The following SPIDR variants were observed in gnomAD, a reference collection of about 807,000 sequenced individuals.
The protein encoded by SPIDR is DNA repair-scaffolding protein.
In SPIDR, 93 loss-of-function variants were observed where a neutral mutation model predicts 104.6. That is an observed-to-expected ratio of 0.89 (90% CI 0.75 to 1.06). SPIDR has a LOEUF of 1.06. SPIDR is among the 50% of genes least tolerant of loss of function. SPIDR has a pLI of 0.00. For synonymous variants in SPIDR, 431 were observed against 416.9 expected (o/e 1.03, Z -0.41); for missense variants, 1,154 against 1,111.2 (o/e 1.04, Z -0.55).
At chr8:47,496,175 C>A (rs2079412513) in intron 8 of SPIDR, among the ~76,000 whole-genome samples, 1 of 151,948 alleles carries the variant, frequency 6.6e-6, no homozygotes, top group Non-Finnish European at 1.5e-5. Context: ...ATCAGGATGC[C>A]TTTATTTATT....
At chr8:47,444,499 G>C (rs79794978) in intron 8 of SPIDR, among the ~76,000 whole-genome samples, 1 of 152,222 alleles carries the variant, frequency 6.6e-6, no homozygotes, top group East Asian at 1.9e-4. Context: ...CCCTTCCATC[G>C]GTCCATTCAT....
At chr8:47,368,623 CAT>C (rs782319962) in intron 5 of SPIDR, among the ~76,000 whole-genome samples, 1 of 152,054 alleles carries the variant, frequency 6.6e-6, no homozygotes, top group African/African-American at 2.4e-5. Flanking sequence ...AAGTGGTTAA[CAT>C]ATGACTAACC....
At chr8:47,632,696 G>A (rs2067259084) in intron 10 of SPIDR, among the ~76,000 whole-genome samples, 1 of 152,168 alleles carries the variant, frequency 6.6e-6, no homozygotes, top group South Asian at 2.1e-4. Context: ...TTGAGAAACT[G>A]CAAGATCCCA....
chr8:47,499,131 C>A (rs981254218), intron 8 of SPIDR, among the ~76,000 whole-genome samples: 1 of 152,128 alleles, frequency 6.6e-6, no homozygotes, highest in African/African-American at 2.4e-5. Context: ...AGGAGGAACT[C>A]AATAAATGCC....
intron 6 of SPIDR, among the ~76,000 whole-genome samples, chr8:47,398,391 CAAG>C (rs573803953): frequency 1.1e-3 from 171 of 151,344 alleles, no homozygotes; most frequent in Admixed American, 1.9e-3. Context: ...AATAAGGAGC[CAAG>C]AAGTAAAATA....
intron 8 of SPIDR, among the ~76,000 whole-genome samples, chr8:47,499,909 T>C (rs1419616876): frequency 6.6e-6 from 1 of 152,170 alleles, no homozygotes; most frequent in African/African-American, 2.4e-5. Context: ...TTTTTGTCCT[T>C]GCGATAGTTT....
intron 8 of SPIDR, among the ~76,000 whole-genome samples, chr8:47,470,928 G>A (rs1319153872): frequency 3.9e-5 from 6 of 152,058 alleles, no homozygotes; most frequent in African/African-American, 1.4e-4. Flanking sequence ...TAGAGACGGG[G>A]TTTCACCGTG....
At chr8:47,407,829 C>A in intron 6 of SPIDR, 32 bp from the exon 7 acceptor site, 3 of 1,385,224 alleles carry the variant, frequency 2.2e-6, no homozygotes, top group South Asian at 1.3e-5. Flanking sequence ...TTCCTTTTAA[C>A]TAAACTTAAT....
chr8:47,725,506 C>T (rs756926162), intron 16 of SPIDR, among the ~76,000 whole-genome samples: 10 of 152,218 alleles, frequency 6.6e-5, no homozygotes, highest in Non-Finnish European at 1.3e-4. Flanking sequence ...ATTCTCCTGC[C>T]TCAGCCTCCC....
chr8:47,734,771 A>G (rs1161749600), intron 19 of SPIDR, among the ~76,000 whole-genome samples: 1 of 152,166 alleles, frequency 6.6e-6, no homozygotes, highest in African/African-American at 2.4e-5. Flanking sequence ...TGGAGACGAA[A>G]CTCACCTGGG....
At chr8:47,610,867 A>G (rs543250530) in intron 10 of SPIDR, among the ~76,000 whole-genome samples, 4 of 152,396 alleles carry the variant, frequency 2.6e-5, no homozygotes, top group Admixed American at 6.5e-5. Flanking sequence ...GCTTGATTAT[A>G]TAGTGAGACT....
chr8:47,502,704 C>A (rs1038762057), intron 8 of SPIDR, among the ~76,000 whole-genome samples: 1 of 152,060 alleles, frequency 6.6e-6, no homozygotes, highest in African/African-American at 2.4e-5. Context: ...GCTCTTGTTT[C>A]TCTAGTTCTT....
Position 47,655,737 on chromosome 8 carries a change from G to C in SPIDR, c.1545-18064G>C, listed in dbSNP as rs572791018. On this transcript the variant is annotated intron_variant, in intron 10 of 19. Transcript: ENST00000297423. ...AGAAGCTCTTTAGTTTAATTAGATC[G>C]CATTTGTCAATTTTGGCTTTTGTTG... Among the ~76,000 whole-genome samples the C allele has an allele frequency of 4.8e-3, 732 of 151,954 alleles. 5 individuals are homozygous for C. Among genetic ancestry groups the C allele is most frequent in the African/African-American group, 0.016 (668 of 41,450 alleles).
Position 47,735,679 on chromosome 8 carries a change from T to G in SPIDR, c.*229T>G. 1 of 939,132 alleles carries G rather than the reference T, an allele frequency of 1.1e-6. No individual in the cohort carries two copies. Among genetic ancestry groups the G allele is most frequent in the South Asian group, 1.8e-5 (1 of 54,682 alleles). 58.2% of individuals were successfully genotyped at this position (939,132 alleles called of 1,614,324 possible). A position where few individuals can be genotyped will look rare whatever the true frequency, so the allele number is the denominator to read the frequency against. On this transcript the variant is annotated 3_prime_UTR_variant, in exon 20 of 20. Coordinates refer to ENST00000297423, the MANE Select transcript of SPIDR (RefSeq NM_001080394.4). ...TATTTTCTGCAAATTTAGGAACATA[T>G]TTACTCGTTTTCACATTGAATCTTA...
intron 8 of SPIDR, among the ~76,000 whole-genome samples, chr8:47,509,848 A>G (rs1353749359): frequency 6.6e-6 from 1 of 152,078 alleles, no homozygotes; most frequent in African/African-American, 2.4e-5. Flanking sequence ...TGCGTATAAT[A>G]TGATGCACTC....
intron 8 of SPIDR, among the ~76,000 whole-genome samples, chr8:47,555,071 T>C (rs1229513551): frequency 6.6e-6 from 1 of 152,206 alleles, no homozygotes; most frequent in Non-Finnish European, 1.5e-5. Flanking sequence ...ACAAGTGGTA[T>C]AAAGTGGTAT....
intron 8 of SPIDR, among the ~76,000 whole-genome samples, chr8:47,556,009 G>A (rs1425348895): frequency 6.6e-6 from 1 of 152,150 alleles, no homozygotes; most frequent in Non-Finnish European, 1.5e-5. Flanking sequence ...GATGTTATAG[G>A]TATGTTAATG....
chr8:47,283,295 A>G (rs1586308189), intron 2 of SPIDR, among the ~76,000 whole-genome samples: 2 of 152,234 alleles, frequency 1.3e-5, no homozygotes, highest in East Asian at 1.9e-4. Context: ...GGAGAAGGCA[A>G]GAGATGGAGG....
intron 3 of SPIDR, among the ~76,000 whole-genome samples, chr8:47,287,309 A>G (rs2039032298): frequency 6.7e-6 from 1 of 149,672 alleles, no homozygotes; most frequent in Non-Finnish European, 1.5e-5. Context: ...AAAGGGCGAA[A>G]TCAAAAACTC....
Sources: allele counts gnomAD v4.1 joint callset (sites outside exome capture counted in the v4.1 genomes callset), GRCh38; gene constraint gnomAD v4.1.1; transcripts MANE v1.5; gene names NCBI Gene and HGNC (gene_info 2026-07-23, HGNC 2026-07-21).